SHPK: variants seen among roughly 807,000 people sequenced by gnomAD.
SHPK encodes sedoheptulokinase.
Under a neutral mutation model 46.3 loss-of-function variants are expected in SHPK, and 51 were observed. The ratio of observed to expected loss-of-function variants is 1.10; its 90% CI spans 0.88 to 1.39. The LOEUF is 1.39. Ranked by LOEUF, SHPK falls within the 40% of genes most tolerant of loss-of-function variation. The probability of loss-of-function intolerance (pLI) is 0.00; values close to 1 mark genes in which losing one functional copy is unlikely to be tolerated. For missense variants in SHPK, 668 were observed against 641.3 expected, an observed-to-expected ratio of 1.04 and a Z score of -0.45; for synonymous variants, 290 against 273.9, an observed-to-expected ratio of 1.06 and a Z score of -0.58.
chr17:3,608,246 G>A lies in SHPK; in HGVS notation c.*2314C>T, dbSNP rs1250195564. On this transcript the variant is annotated 3_prime_UTR_variant, in exon 7 of 7. Coordinates refer to ENST00000225519, the MANE Select transcript of SHPK (RefSeq NM_013276.4). ...AAAAAAAGGCAAAAAAAACTAGCACGAATTTCTTTTTCTTTAGAATTTCAC... is the reference window on the plus strand; with the variant it reads ...AAAAAAAGGCAAAAAAAACTAGCACAAATTTCTTTTTCTTTAGAATTTCAC... 3.4e-5 allele frequency: 5 copies of A among 148,236 alleles called. No homozygotes were observed. Among genetic ancestry groups the A allele is most frequent in the South Asian group, 2.1e-4 (1 of 4,702 alleles). 9.2% of individuals were successfully genotyped at this position (148,236 alleles called of 1,614,324 possible).
intron 2 of SHPK, among the ~76,000 whole-genome samples, chr17:3,625,580 T>C (rs224513): frequency 1 from 152,173 of 152,230 alleles, 76,060 homozygotes; most frequent in Middle Eastern, 1. Flanking sequence ...CGTGACCCCC[T>C]GGACCAGTCT....
At chr17:3,612,970 TG>T (rs1352696498) in intron 6 of SHPK, among the ~76,000 whole-genome samples, 1 of 152,158 alleles carries the variant, frequency 6.6e-6, no homozygotes, top group East Asian at 1.9e-4. Flanking sequence ...CAGGCTGGTC[TG>T]GAACTCCTGA....
intron 1 of SHPK, among the ~76,000 whole-genome samples, chr17:3,632,672 A>G (rs1163924262): frequency 1.3e-5 from 2 of 152,200 alleles, no homozygotes; most frequent in East Asian, 3.9e-4. Flanking sequence ...GGCTCAGAAT[A>G]TCAGTTGGTC....
intron 1 of SHPK, among the ~76,000 whole-genome samples, chr17:3,630,655 T>C (rs536379294): frequency 1.3e-5 from 2 of 152,240 alleles, no homozygotes; most frequent in South Asian, 4.1e-4. Flanking sequence ...GGTCAGGAGT[T>C]CGAGACCAGC....
chr17:3,614,524 CAAAAAAGAAAAGAAA>C (rs1037324494), intron 6 of SHPK, among the ~76,000 whole-genome samples: 10 of 130,282 alleles, frequency 7.7e-5, no homozygotes, highest in African/African-American at 3.7e-4. Context: ...GACTCCATCT[CAAAAAAGAAAAGAAA>C]AGAAAAGAAA....
At chr17:3,625,974 A>G (rs2075433332) in intron 2 of SHPK, among the ~76,000 whole-genome samples, 2 of 152,092 alleles carry the variant, frequency 1.3e-5, no homozygotes, top group South Asian at 4.2e-4. Flanking sequence ...AATCGCTTGA[A>G]CCCAGTAGGC....
chr17:3,635,563 C>T (rs2075514858), intron 1 of SHPK, among the ~76,000 whole-genome samples: 1 of 152,204 alleles, frequency 6.6e-6, no homozygotes, highest in Non-Finnish European at 1.5e-5. Context: ...CCGCATTCTG[C>T]TTCTGTGGAA....
rs202112157 is a variant in SHPK, at chr17:3,624,639, GTTTTA to G, written c.311-413_311-409del. On this transcript the variant is annotated intron_variant, in intron 2 of 6. Coordinates refer to ENST00000225519, the MANE Select transcript of SHPK (RefSeq NM_013276.4). The stretch of plus-strand genomic sequence containing the variant: ...TTTTCCTTAGTTCTTAGCTGATTGC[GTTTTA>G]TTTTATTTTATTTTATTTTAATTTT... Among the ~76,000 whole-genome samples, 847 of 151,948 alleles carry G rather than the reference GTTTTA, an allele frequency of 5.6e-3. 12 individuals are homozygous for G. The highest frequency in any genetic ancestry group is 0.019 in the African/African-American group (789 of 41,454).
chr17:3,626,877 A>G (rs1376816193), intron 2 of SHPK, among the ~76,000 whole-genome samples: 1 of 151,682 alleles, frequency 6.6e-6, no homozygotes, highest in Admixed American at 6.6e-5. Context: ...CCTGGGTGAC[A>G]AGAGCAAGAC....
intron 1 of SHPK, among the ~76,000 whole-genome samples, chr17:3,631,207 C>T (rs978178138): frequency 2.0e-5 from 3 of 152,090 alleles, no homozygotes; most frequent in African/African-American, 7.2e-5. Context: ...TAGGAAGCAG[C>T]CCCAGAGCTC....
At chr17:3,617,432 G>T (rs1350502483) in intron 5 of SHPK, among the ~76,000 whole-genome samples, 1 of 152,132 alleles carries the variant, frequency 6.6e-6, no homozygotes, top group African/African-American at 2.4e-5. Context: ...AACTGGAACA[G>T]GTGCTGAAGG....
chr17:3,625,449 G>A (rs1437258901), intron 2 of SHPK, among the ~76,000 whole-genome samples: 1 of 152,140 alleles, frequency 6.6e-6, no homozygotes. Context: ...GGTAAGAAGT[G>A]CGACTACGCC....
intron 1 of SHPK, among the ~76,000 whole-genome samples, chr17:3,634,571 CAAAAAAA>C (rs11311796): frequency 1.1e-5 from 1 of 89,766 alleles, no homozygotes; most frequent in Non-Finnish European, 2.2e-5. Flanking sequence ...GACCCTGTCT[CAAAAAAA>C]AAAAAAAAAA....
Position 3,610,927 on chromosome 17 carries a change from G to A in SHPK, c.1070C>T (p.Ala357Val). 1 of 1,613,666 alleles carries A rather than the reference G, an allele frequency of 6.2e-7. No homozygotes were observed. Among genetic ancestry groups the A allele is most frequent in the Non-Finnish European group, 8.5e-7 (1 of 1,179,758 alleles). Residue 357 changes from alanine to valine, a missense_variant, in exon 7 of 7, where the codon GCA becomes GTA. Ala to Val is a moderately conservative substitution (Grantham distance 64). Coordinates refer to ENST00000225519, the MANE Select transcript of SHPK (RefSeq NM_013276.4). ...ESTVYSRMIQ[A>V]AVQQRDTHLT... ...GTGGGTATCTCTCTGCTGCACAGCT[G>A]CCTGAATCATGCGTGAATACACAGT...
chr17:3,627,144 T>C (rs1281873803), intron 2 of SHPK, among the ~76,000 whole-genome samples: 1 of 152,162 alleles, frequency 6.6e-6, no homozygotes, highest in Non-Finnish European at 1.5e-5. Flanking sequence ...GCTTGTTCTC[T>C]CTTAGTTACT....
chr17:3,615,554 G>A lies in SHPK; in HGVS notation c.824-17C>T. On this transcript the variant is annotated splice_polypyrimidine_tract_variant and intron_variant, in intron 5 of 6. Transcript: ENST00000225519. ...TGTTGAGAACTGGGGTCCGAAGAGAGCAGAGCTTAGGCCTGTCGGGCTAAC... is the reference window on the plus strand; with the variant it reads ...TGTTGAGAACTGGGGTCCGAAGAGAACAGAGCTTAGGCCTGTCGGGCTAAC... 1.2e-6 allele frequency: 2 copies of A among 1,612,542 alleles called. No homozygotes were observed. Among genetic ancestry groups the A allele is most frequent in the Admixed American group, 1.7e-5 (1 of 59,948 alleles).
intron 1 of SHPK, among the ~76,000 whole-genome samples, chr17:3,635,274 C>G (rs2075509998): frequency 1.5e-5 from 2 of 135,390 alleles, no homozygotes; most frequent in African/African-American, 5.1e-5. Context: ...CTCGCTCTGT[C>G]ACCCAGGCTG....
intron 5 of SHPK, among the ~76,000 whole-genome samples, chr17:3,618,978 T>C (rs2150869222): frequency 6.6e-6 from 1 of 152,206 alleles, no homozygotes; most frequent in East Asian, 1.9e-4. Context: ...TTTGAGGAAC[T>C]ACCAGCTGTT....
intron 1 of SHPK, among the ~76,000 whole-genome samples, chr17:3,631,808 C>T (rs1190801726): frequency 6.6e-6 from 1 of 151,832 alleles, no homozygotes; most frequent in Non-Finnish European, 1.5e-5. Context: ...AGGTGTGAGC[C>T]ACCGCACCCA....
Sources: gnomAD v4.1 joint callset for allele counts (sites outside exome capture counted in the v4.1 genomes callset) on GRCh38, gnomAD v4.1.1 for gene constraint, MANE v1.5 for transcripts, NCBI Gene and HGNC (gene_info 2026-07-23, HGNC 2026-07-21) for gene names.